TAFA5: variants seen among roughly 807,000 people sequenced by gnomAD.
The protein encoded by TAFA5 is chemokine-like protein TAFA-5.
TAFA5 carries 6 observed loss-of-function variants against 15.3 expected under a neutral mutation model. The ratio of observed to expected loss-of-function variants is 0.39; its 90% CI spans 0.21 to 0.77. The LOEUF (loss-of-function observed/expected upper bound fraction) is 0.77, where lower values mean the gene tolerates loss of function less well. Ranked by LOEUF, TAFA5 falls within the 30% of genes least tolerant of loss-of-function variation. The probability of loss-of-function intolerance (pLI) is 0.41; values close to 1 mark genes in which losing one functional copy is unlikely to be tolerated. For synonymous variants in TAFA5, 103 were observed against 80.7 expected (o/e 1.28, Z -1.48); for missense variants, 161 against 193.1 (o/e 0.83, Z 0.98).
intron 3 of TAFA5, among the ~76,000 whole-genome samples, chr22:48,719,394 A>C (rs1929500868): frequency 6.6e-6 from 1 of 152,300 alleles, no homozygotes; most frequent in South Asian, 2.1e-4. Flanking sequence ...GCGTTCATGG[A>C]GACTGACTCA....
At chr22:48,617,094 C>T (rs1453733458) in intron 1 of TAFA5, among the ~76,000 whole-genome samples, 2 of 152,268 alleles carry the variant, frequency 1.3e-5, no homozygotes, top group Middle Eastern at 6.8e-3. Flanking sequence ...AAAAGATGTC[C>T]GGGTTCTAAT....
intron 1 of TAFA5, among the ~76,000 whole-genome samples, chr22:48,601,656 T>C (rs1319803316): frequency 1.3e-5 from 2 of 152,122 alleles, no homozygotes; most frequent in Middle Eastern, 3.2e-3. Flanking sequence ...GTCTTTTACA[T>C]TGTACAGAAT....
In TAFA5 at chr22:48,636,383, C is replaced by G. The variant is rs187585930; in HGVS notation, c.113-10214C>G. ...GTTGATTCTGGGATTTAATAACAAA[C>G]TTGATTTCACTGTAACTTAAATATT... On this transcript the variant is annotated intron_variant, in intron 1 of 3. Transcript: ENST00000402357. Among the ~76,000 whole-genome samples, 60 of 152,314 alleles carry G rather than the reference C, an allele frequency of 3.9e-4. 1 individual carries two copies. The highest frequency in any genetic ancestry group is 1.4e-3 in the African/African-American group (60 of 41,564).
intron 1 of TAFA5, chr22:48,544,862 G>A (rs1340701960): frequency 1.1e-5 from 5 of 471,080 alleles, no homozygotes; most frequent in Non-Finnish European, 2.2e-5. Context: ...AGCCCTGAGG[G>A]ATCCTGAAGT....
At chr22:48,585,388 A>G (rs1005469673) in intron 1 of TAFA5, among the ~76,000 whole-genome samples, 2 of 150,720 alleles carry the variant, frequency 1.3e-5, no homozygotes, top group Non-Finnish European at 3.0e-5. Flanking sequence ...CACACAGCAC[A>G]CACCACACAC....
chr22:48,605,838 G>T (rs542312906), intron 1 of TAFA5, among the ~76,000 whole-genome samples: 1 of 152,318 alleles, frequency 6.6e-6, no homozygotes, highest in South Asian at 2.1e-4. Context: ...CCCACCCACA[G>T]TTGGGATGCC....
chr22:48,531,198 C>G (rs534738118), intron 1 of TAFA5, among the ~76,000 whole-genome samples: 2 of 152,132 alleles, frequency 1.3e-5, no homozygotes, highest in African/African-American at 4.8e-5. Flanking sequence ...CCTGGCCAAC[C>G]CTTTCGGCCT....
chr22:48,611,428 G>A (rs1925406783), intron 1 of TAFA5, among the ~76,000 whole-genome samples: 1 of 152,208 alleles, frequency 6.6e-6, no homozygotes, highest in Non-Finnish European at 1.5e-5. Flanking sequence ...CAGCCCGGAT[G>A]GGGCAGCAGA....
intron 1 of TAFA5, among the ~76,000 whole-genome samples, chr22:48,529,756 G>A (rs1286574843): frequency 6.6e-6 from 1 of 152,040 alleles, no homozygotes; most frequent in Non-Finnish European, 1.5e-5. Flanking sequence ...CATAGAGACA[G>A]GATGATGGGT....
intron 3 of TAFA5, among the ~76,000 whole-genome samples, chr22:48,737,869 G>A (rs1479668091): frequency 6.6e-6 from 1 of 152,174 alleles, no homozygotes; most frequent in Non-Finnish European, 1.5e-5. Context: ...GGTCAGAGGT[G>A]GGGTTGAGCT....
At chr22:48,712,304 G>A (rs1167473278) in intron 3 of TAFA5, among the ~76,000 whole-genome samples, 1 of 152,284 alleles carries the variant, frequency 6.6e-6, no homozygotes, top group Admixed American at 6.5e-5. Context: ...TGATCCATCC[G>A]CCTCGGCCTC....
At chr22:48,588,562 G>A (rs1323550342) in intron 1 of TAFA5, among the ~76,000 whole-genome samples, 1 of 152,208 alleles carries the variant, frequency 6.6e-6, no homozygotes, top group African/African-American at 2.4e-5. Context: ...TGGACTCGAA[G>A]TGGGTCCCCA....
intron 1 of TAFA5, among the ~76,000 whole-genome samples, chr22:48,584,913 C>CCA (rs564024414): frequency 9.6e-4 from 141 of 147,150 alleles, no homozygotes; most frequent in East Asian, 7.7e-3. Context: ...CACACACACA[C>CCA]CACACACACA....
At chr22:48,518,740 G>A (rs1368879381) in intron 1 of TAFA5, among the ~76,000 whole-genome samples, 1 of 152,180 alleles carries the variant, frequency 6.6e-6, no homozygotes, top group Admixed American at 6.5e-5. Flanking sequence ...TCACGGTCAC[G>A]CCCAGTGAGA....
At chr22:48,512,246 C>T (rs529622961) in intron 1 of TAFA5, among the ~76,000 whole-genome samples, 1 of 152,326 alleles carries the variant, frequency 6.6e-6, no homozygotes, top group South Asian at 2.1e-4. Context: ...CTGCCTCTCG[C>T]TGCGCGGCCA....
intron 1 of TAFA5, among the ~76,000 whole-genome samples, chr22:48,506,637 G>A (rs1235209868): frequency 1.3e-5 from 2 of 152,178 alleles, no homozygotes; most frequent in Non-Finnish European, 2.9e-5. Context: ...TGTGCTACCA[G>A]GATGGCCAAG....
At chr22:48,748,709 C>T (rs1247263514) in intron 3 of TAFA5, among the ~76,000 whole-genome samples, 4 of 152,146 alleles carry the variant, frequency 2.6e-5, no homozygotes, top group African/African-American at 7.2e-5. Flanking sequence ...GCTCAGGAAC[C>T]GCAGCTGGCC....
chr22:48,607,593 A>G (rs1344804152), intron 1 of TAFA5, among the ~76,000 whole-genome samples: 18 of 71,800 alleles, frequency 2.5e-4, no homozygotes, highest in Non-Finnish European at 3.4e-4. Flanking sequence ...CCTGGAGCAG[A>G]TCTGTCCTGG....
At chr22:48,734,745 A>G (rs1929960314) in intron 3 of TAFA5, among the ~76,000 whole-genome samples, 1 of 152,266 alleles carries the variant, frequency 6.6e-6, no homozygotes, top group Non-Finnish European at 1.5e-5. Flanking sequence ...AAATGAACCC[A>G]GGTGTTCCTG....
Sources: allele counts gnomAD v4.1 joint callset (sites outside exome capture counted in the v4.1 genomes callset), GRCh38; gene constraint gnomAD v4.1.1; transcripts MANE v1.5; gene names NCBI Gene and HGNC (gene_info 2026-07-23, HGNC 2026-07-21).